The following PCGF3 variants were observed in gnomAD, a reference collection of about 807,000 sequenced individuals.
PCGF3 encodes polycomb group ring finger 3.
In PCGF3, 7 loss-of-function variants were observed where a neutral mutation model predicts 33.1. That is an observed-to-expected ratio of 0.21 (90% CI 0.12 to 0.40). The LOEUF (loss-of-function observed/expected upper bound fraction) is 0.40, where lower values mean the gene tolerates loss of function less well. Among genes scored for constraint, PCGF3 ranks in the 10% least tolerant of loss-of-function variants. The pLI is 1.00. For synonymous variants in PCGF3, 153 were observed against 121.3 expected (o/e 1.26, Z -1.72); for missense variants, 211 against 313.3 (o/e 0.67, Z 2.46).
intron 7 of PCGF3, chr4:743,792 G>A (rs1577424527): frequency 4.1e-6 from 2 of 489,832 alleles, no homozygotes; most frequent in Non-Finnish European, 7.4e-6. Flanking sequence ...AAAGCCAGCA[G>A]GGGAGAGCAG....
At position 734,297 on chromosome 4, in the gene PCGF3, T is replaced by C. The variant is rs142522351; in HGVS notation, c.109+508T>C. 1.0e-5 allele frequency: 15 copies of C among 1,453,270 alleles called. No individual in the cohort carries two copies. In the African/African-American group the frequency reaches 1.6e-4, roughly 15 times the overall value. The allele number at this position is 1,453,270 out of a possible 1,614,324, so 90.0% of individuals were successfully genotyped here. On this transcript the variant is annotated intron_variant, in intron 4 of 10. Coordinates refer to ENST00000362003, the Ensembl canonical transcript of PCGF3. Reference sequence around the variant, plus strand: ...CCATCAGGCTGAGGCTCGGCTCTTATGCTAACCTGAGGCCCCATGGCTGGC... The same window carrying C: ...CCATCAGGCTGAGGCTCGGCTCTTACGCTAACCTGAGGCCCCATGGCTGGC...
chr4:732,245 C>T lies in PCGF3; in HGVS notation c.-10+1135C>T, dbSNP rs368568015. Among the ~76,000 whole-genome samples the T allele has an allele frequency of 4.7e-5, 7 of 149,220 alleles. No homozygotes were observed. In the East Asian group the frequency reaches 8.2e-4, roughly 17 times the overall value. ...CCTTAGGGGCGTAGGGTGGGGCTCC[C>T]CCTCCCCTCCCGAGTGGGCGTGGTC... On this transcript the variant is annotated intron_variant, in intron 3 of 10. Transcript: ENST00000362003.
chr4:763,130 G>C (rs1433492990), intron 9 of PCGF3, among the ~76,000 whole-genome samples: 1 of 152,110 alleles, frequency 6.6e-6, no homozygotes, highest in Non-Finnish European at 1.5e-5. Flanking sequence ...GAGAAACCAA[G>C]TCAGGACACG....
intron 1 of PCGF3, among the ~76,000 whole-genome samples, chr4:717,613 C>G (rs1337036867): frequency 6.6e-6 from 1 of 152,180 alleles, no homozygotes; most frequent in Non-Finnish European, 1.5e-5. Context: ...CCCCTGACCT[C>G]GTGATCTGCC....
chr4:766,304 C>T, exon 11 of PCGF3: 1 of 483,240 alleles, frequency 2.1e-6, no homozygotes, highest in Non-Finnish European at 3.7e-6. Context: ...TCGTCCTCTC[C>T]CCCGCCCCAC....
intron 1 of PCGF3, among the ~76,000 whole-genome samples, chr4:725,688 G>A (rs962006513): frequency 2.7e-5 from 4 of 145,470 alleles, no homozygotes; most frequent in Non-Finnish European, 6.0e-5. Flanking sequence ...CGCTGTGGCT[G>A]TGTGGGCTGC....
At chr4:743,531 A>G in exon 7 of PCGF3, 1 of 1,613,726 alleles carries the variant, frequency 6.2e-7, no homozygotes, top group Non-Finnish European at 8.5e-7. Flanking sequence ...GTGCCGGGAG[A>G]CATCAAGGGG....
At chr4:711,767 T>C (rs1742581157) in intron 1 of PCGF3, among the ~76,000 whole-genome samples, 1 of 152,002 alleles carries the variant, frequency 6.6e-6, no homozygotes. Flanking sequence ...GAAAATGTAA[T>C]TTTTCTACAG....
intron 6 of PCGF3, among the ~76,000 whole-genome samples, chr4:740,070 A>ATTTG (rs1361913840): frequency 6.6e-6 from 1 of 152,224 alleles, no homozygotes; most frequent in Admixed American, 6.5e-5. Context: ...GCTACTTGCA[A>ATTTG]TTTGTTTAGT....
At chr4:755,903 C>CTTTT (rs1560215661) in intron 8 of PCGF3, among the ~76,000 whole-genome samples, 14 of 120,568 alleles carry the variant, frequency 1.2e-4, no homozygotes, top group African/African-American at 4.4e-4. Context: ...TCAGAATTGT[C>CTTTT]CTTTTTTTTT....
At chr4:730,037 C>G (rs1490899573) in intron 1 of PCGF3, among the ~76,000 whole-genome samples, 2 of 152,126 alleles carry the variant, frequency 1.3e-5, no homozygotes, top group Non-Finnish European at 2.9e-5. Context: ...GTGTCCCTCC[C>G]CTGCCCCTCC....
At chr4:760,396 C>T (rs1022937016) in intron 8 of PCGF3, among the ~76,000 whole-genome samples, 2 of 151,294 alleles carry the variant, frequency 1.3e-5, no homozygotes, top group Non-Finnish European at 1.5e-5. Context: ...GGACATTAAT[C>T]TGTCCTCGGC....
chr4:709,592 C>T (rs759562883), intron 1 of PCGF3, among the ~76,000 whole-genome samples: 1 of 152,230 alleles, frequency 6.6e-6, no homozygotes, highest in South Asian at 2.1e-4. Context: ...AAGGCAGGGC[C>T]GCTCTTCAGA....
chr4:755,887 T>C (rs1260325423), intron 8 of PCGF3, among the ~76,000 whole-genome samples: 1 of 151,424 alleles, frequency 6.6e-6, no homozygotes, highest in Non-Finnish European at 1.5e-5. Context: ...TCCTCATTTT[T>C]CTTCTTCAGA....
intron 4 of PCGF3, 181 bp from the exon 5 acceptor site, chr4:734,750 A>G (rs552013331): frequency 3.6e-5 from 50 of 1,381,876 alleles, no homozygotes; most frequent in Non-Finnish European, 4.6e-5. Context: ...AAACCTTCTC[A>G]TTGCTCCTGA....
At position 734,928 on chromosome 4, in the gene PCGF3, C is replaced by T. The variant is rs1289313728; in HGVS notation, c.110-3C>T. On this transcript the variant is annotated splice_polypyrimidine_tract_variant and splice_region_variant and intron_variant, in intron 4 of 10. Transcript: ENST00000362003. Reference sequence around the variant, plus strand: ...TCCTAACACACCTGTGCTTTGATGACAGTCTGCAGGAGCTGCCTGGTGAAG... The same window carrying T: ...TCCTAACACACCTGTGCTTTGATGATAGTCTGCAGGAGCTGCCTGGTGAAG... 3 of 1,612,842 alleles carry T rather than the reference C, an allele frequency of 1.9e-6. No individual in the cohort carries two copies. Among genetic ancestry groups the T allele is most frequent in the Non-Finnish European group, 2.5e-6 (3 of 1,179,678 alleles).
At chr4:751,512 G>T (rs997330573) in intron 8 of PCGF3, among the ~76,000 whole-genome samples, 1 of 152,006 alleles carries the variant, frequency 6.6e-6, no homozygotes, top group African/African-American at 2.4e-5. Context: ...CGGGCTGTGT[G>T]TTGTCCCCCT....
chr4:738,622 G>T (rs1743944698), intron 6 of PCGF3, among the ~76,000 whole-genome samples: 1 of 151,914 alleles, frequency 6.6e-6, no homozygotes, highest in Admixed American at 6.6e-5. Flanking sequence ...GGCCGAGGCG[G>T]GTGGATCATC....
At chr4:742,052 T>C (rs1744115752) in intron 6 of PCGF3, among the ~76,000 whole-genome samples, 1 of 152,076 alleles carries the variant, frequency 6.6e-6, no homozygotes, top group Admixed American at 6.6e-5. Flanking sequence ...AGCATTTCCC[T>C]TGTGAGGCTC....
Sources: gnomAD v4.1 joint callset for allele counts (sites outside exome capture counted in the v4.1 genomes callset) on GRCh38, gnomAD v4.1.1 for gene constraint, MANE v1.5 for transcripts, NCBI Gene and HGNC (gene_info 2026-07-23, HGNC 2026-07-21) for gene names.